Variants in APLP2 observed in about 807,000 individuals in gnomAD.
The protein encoded by APLP2 is CDEI box-binding protein.
A neutral mutation model predicts 89.9 loss-of-function variants in APLP2; 53 were observed. That is an observed-to-expected ratio of 0.59 (90% CI 0.47 to 0.74). The LOEUF is 0.74. APLP2 is among the 30% of genes least tolerant of loss of function. The pLI, the probability that APLP2 is intolerant of heterozygous loss-of-function variation, is 0.00. For missense variants in APLP2, 973 were observed against 975.9 expected (o/e 1.00, Z 0.04); for synonymous variants, 372 against 348.6 (o/e 1.07, Z -0.75).
intron 1 of APLP2, among the ~76,000 whole-genome samples, chr11:130,079,677 A>T (rs1031793594): frequency 6.6e-6 from 1 of 152,206 alleles, no homozygotes; most frequent in Non-Finnish European, 1.5e-5. Flanking sequence ...TTCTGAGTAT[A>T]TTCTGTGAAT....
chr11:130,138,293 T>A (rs1951874035), intron 13 of APLP2, among the ~76,000 whole-genome samples: 1 of 152,232 alleles, frequency 6.6e-6, no homozygotes, highest in East Asian at 1.9e-4. Context: ...AAAGTGTGAT[T>A]TCAATCTTCT....
chr11:130,080,855 C>T (rs1357734522), intron 1 of APLP2, among the ~76,000 whole-genome samples: 3 of 150,236 alleles, frequency 2.0e-5, no homozygotes, highest in Non-Finnish European at 4.4e-5. Context: ...CGCCACCGTG[C>T]CTGGCTAATT....
intron 3 of APLP2, among the ~76,000 whole-genome samples, chr11:130,117,048 T>C (rs1949269881): frequency 6.6e-6 from 1 of 152,058 alleles, no homozygotes; most frequent in Admixed American, 6.5e-5. Flanking sequence ...GAAGAATTGC[T>C]TGAACCTGGG....
At chr11:130,085,470 C>G (rs1591769039) in intron 1 of APLP2, among the ~76,000 whole-genome samples, 2 of 151,526 alleles carry the variant, frequency 1.3e-5, no homozygotes, top group East Asian at 3.9e-4. Flanking sequence ...AACCAAAAAA[C>G]AAAACAAAAC....
chr11:130,099,360 C>T (rs1037685205), intron 1 of APLP2, among the ~76,000 whole-genome samples: 2 of 152,008 alleles, frequency 1.3e-5, no homozygotes, highest in Non-Finnish European at 2.9e-5. Flanking sequence ...TGAGTAGCAC[C>T]CTATTTATGT....
chr11:130,126,566 A>G, intron 7 of APLP2, 134 bp from the exon 8 acceptor site: 1 of 996,270 alleles, frequency 1.0e-6, no homozygotes, highest in Non-Finnish European at 1.5e-6. Context: ...AAGTCTTGGC[A>G]GATAGCAGCA....
intron 1 of APLP2, among the ~76,000 whole-genome samples, chr11:130,078,737 G>A (rs1942591152): frequency 6.6e-6 from 1 of 151,598 alleles, no homozygotes; most frequent in Non-Finnish European, 1.5e-5. Flanking sequence ...CCTTCTGCTC[G>A]GCTCTGTCAC....
At chr11:130,110,030 G>A (rs1158333840) in intron 2 of APLP2, among the ~76,000 whole-genome samples, 2 of 152,226 alleles carry the variant, frequency 1.3e-5, no homozygotes, top group East Asian at 1.9e-4. Flanking sequence ...GATAGAGACA[G>A]GGTCTTGCTA....
At chr11:130,090,933 C>T (rs1485300178) in intron 1 of APLP2, among the ~76,000 whole-genome samples, 7 of 139,984 alleles carry the variant, frequency 5.0e-5, no homozygotes, top group Non-Finnish European at 6.3e-5. Context: ...GGCGGCTGGC[C>T]GGGCGGGGGG....
At chr11:130,140,318 G>A (rs1230982839) in intron 13 of APLP2, 80 bp from the exon 14 acceptor site, 1 of 1,113,266 alleles carries the variant, frequency 9.0e-7, no homozygotes, top group African/African-American at 1.6e-5. Flanking sequence ...CTGGCCCTCA[G>A]GAGGGAGTTT....
rs1247349398 is a variant in APLP2 at position 130,126,780 on chromosome 11, C to T, written c.1171C>T (p.Gln391Ter). 6.2e-7 allele frequency: 1 copy of T among 1,614,082 alleles called. No individual in the cohort carries two copies. The highest frequency in any genetic ancestry group is 8.5e-7 in the Non-Finnish European group (1 of 1,180,036). Residue 391 changes from glutamine (Q) to a stop codon, truncating the protein, a stop_gained, in exon 8 of 17, where the codon CAG becomes TAG. Coordinates refer to ENST00000338167, the MANE Select transcript of APLP2 (RefSeq NM_001142276.2). LOFTEE classifies it high-confidence loss of function. ...SADDNEHARF[Q>*]KAKEQLEIRH... is the part of the protein sequence containing the mutation. ...AGATGATAATGAGCATGCTCGCTTC[C>T]AGAAGGCTAAGGAGCAGCTGGAGAT...
chr11:130,105,284 C>T (rs574158213), intron 1 of APLP2, among the ~76,000 whole-genome samples: 158 of 152,252 alleles, frequency 1.0e-3, no homozygotes, highest in African/African-American at 3.5e-3. Context: ...GGTGTGATGG[C>T]GCATGCCTGT....
chr11:130,070,610 G>C (rs1426177882), intron 1 of APLP2: 3 of 1,415,482 alleles, frequency 2.1e-6, no homozygotes, highest in Non-Finnish European at 2.8e-6. Context: ...GCGCGCGGCA[G>C]GGATGCTGCG....
intron 13 of APLP2, chr11:130,137,145 G>A (rs1480094243): frequency 1.9e-5 from 19 of 977,210 alleles, no homozygotes; most frequent in African/African-American, 1.6e-5. Context: ...AATACTTTTT[G>A]TTCACATTAT....
At position 130,140,379 on chromosome 11, in the gene APLP2, A is replaced by C. The variant is rs187611854; in HGVS notation, c.1838-19A>C. 2.3e-5 allele frequency: 36 copies of C among 1,586,502 alleles called. No homozygotes were observed. In the Admixed American group the frequency reaches 5.3e-4, roughly 23 times the overall value. On this transcript the variant is annotated intron_variant, in intron 13 of 16. Transcript: ENST00000338167. Reference sequence around the variant, plus strand: ...ATGGGCCATCCTTGGGAACTCAGCCATGATCTCTCTCCACACAGGATCTGG... The same window carrying C: ...ATGGGCCATCCTTGGGAACTCAGCCCTGATCTCTCTCCACACAGGATCTGG...
chr11:130,089,705 A>T (rs144368358), intron 1 of APLP2, among the ~76,000 whole-genome samples: 2 of 152,360 alleles, frequency 1.3e-5, no homozygotes, highest in East Asian at 3.9e-4. Context: ...TAGAAGTCCC[A>T]GTTCAAGGTG....
intron 8 of APLP2, 40 bp from the exon 9 acceptor site, chr11:130,127,726 T>G (rs1950536650): frequency 6.5e-7 from 1 of 1,549,804 alleles, no homozygotes; most frequent in Admixed American, 1.7e-5. Context: ...TGTTTCGGGG[T>G]ATTAATCACT....
Position 130,143,479 on chromosome 11 carries a change from G to A in APLP2, c.*31G>A, listed in dbSNP as rs751141813. On this transcript the variant is annotated 3_prime_UTR_variant, in exon 17 of 17. Coordinates refer to ENST00000338167, the MANE Select transcript of APLP2 (RefSeq NM_001142276.2). The stretch of plus-strand genomic sequence containing the variant: ...AGGGAGCGCGGCAGCCCTGGCGGAG[G>A]GATGCAGGTGGGCCGGAAGATCCCA... 24 of 1,569,410 alleles carry A rather than the reference G, an allele frequency of 1.5e-5. 1 individual carries two copies. The South Asian group carries it at 2.5e-4, about 17-fold the overall frequency.
In APLP2 at chr11:130,118,072, A is replaced by C. The variant is rs555567895; in HGVS notation, c.404-2634A>C. On this transcript the variant is annotated intron_variant, in intron 3 of 16. Coordinates refer to ENST00000338167, the MANE Select transcript of APLP2 (RefSeq NM_001142276.2). The stretch of plus-strand genomic sequence containing the variant: ...AGCCTGGGCAGCAGAGCGAGACTCC[A>C]TCTCAAAAAAAAAAAAAAAAATAGT... 4.1e-3 allele frequency among the ~76,000 whole-genome samples: 549 copies of C among 135,156 alleles called. 3 individuals are homozygous for C. Among genetic ancestry groups the C allele is most frequent in the Non-Finnish European group, 6.6e-3 (439 of 66,376 alleles). The allele number at this position is 135,156 out of a possible 152,430, so 88.7% of individuals were successfully genotyped here.
Sources: allele counts gnomAD v4.1 joint callset (sites outside exome capture counted in the v4.1 genomes callset), GRCh38; gene constraint gnomAD v4.1.1; transcripts MANE v1.5; gene names NCBI Gene and HGNC (gene_info 2026-07-23, HGNC 2026-07-21).